RTEL1: variants seen among roughly 807,000 people sequenced by gnomAD.
The protein encoded by RTEL1 is regulator of telomere elongation helicase 1.
In RTEL1, 86 loss-of-function variants were observed where a neutral mutation model predicts 162.2. That is an observed-to-expected ratio of 0.53 (90% CI 0.45 to 0.63). The LOEUF (loss-of-function observed/expected upper bound fraction) is 0.63, where lower values mean the gene tolerates loss of function less well. RTEL1 is among the 30% of genes least tolerant of loss of function. The pLI, the probability that RTEL1 is intolerant of heterozygous loss-of-function variation, is 0.00. For missense variants in RTEL1, 1,941 were observed against 1,750.2 expected, an observed-to-expected ratio of 1.11 and a Z score of -1.95; for synonymous variants, 958 against 717.9, an observed-to-expected ratio of 1.33 and a Z score of -5.35.
Position 63,659,189 on chromosome 20 carries a change from C to T in RTEL1, c.-170-44C>T, listed in dbSNP as rs2089969291. 2.1e-5 allele frequency: 12 copies of T among 567,510 alleles called. 1 individual carries two copies. In the South Asian group the frequency reaches 2.4e-4, roughly 11 times the overall value. The allele number at this position is 567,510 out of a possible 1,614,324, so 35.2% of individuals were successfully genotyped here. A position where few individuals can be genotyped will look rare whatever the true frequency, so the allele number is the denominator to read the frequency against. On this transcript the variant is annotated intron_variant, in intron 1 of 34. Transcript: ENST00000360203. ...AAACGCCTGGGAAAGTAGCCCGGTACCCACAAAGGCTGTCTACAAACAGAG... is the reference window on the plus strand; with the variant it reads ...AAACGCCTGGGAAAGTAGCCCGGTATCCACAAAGGCTGTCTACAAACAGAG...
At chr20:63,682,142 TC>T (rs2090488537) in intron 14 of RTEL1, 1 of 985,248 alleles carries the variant, frequency 1.0e-6, no homozygotes, top group African/African-American at 1.7e-5. Flanking sequence ...TGGAGAAGTC[TC>T]CTCCACACTA....
chr20:63,667,215 G>A (rs999109729), intron 7 of RTEL1, among the ~76,000 whole-genome samples: 2 of 152,092 alleles, frequency 1.3e-5, no homozygotes, highest in Non-Finnish European at 2.9e-5. Flanking sequence ...CTTTTCCATC[G>A]AGTTTTTAAA....
chr20:63,694,001 C>CTG (rs1029987911), intron 30 of RTEL1, among the ~76,000 whole-genome samples: 1 of 151,794 alleles, frequency 6.6e-6, no homozygotes, highest in Non-Finnish European at 1.5e-5. Flanking sequence ...GCGGAAGCAT[C>CTG]TGTGTTCGTG....
chr20:63,691,929 G>T, intron 28 of RTEL1, 92 bp downstream of exon 28: 1 of 973,604 alleles, frequency 1.0e-6, no homozygotes, highest in Non-Finnish European at 1.6e-6. Context: ...GGTCCCGATG[G>T]GACCAGGGAA....
At chr20:63,682,308 T>G (rs2090493018) in intron 14 of RTEL1, 1 of 985,320 alleles carries the variant, frequency 1.0e-6, no homozygotes, top group Admixed American at 6.1e-5. Context: ...TGGAGAAGAC[T>G]CCACACTCTG....
chr20:63,665,972 G>A (rs1448719910), intron 6 of RTEL1, 32 bp from the exon 7 acceptor site: 1 of 1,605,994 alleles, frequency 6.2e-7, no homozygotes, highest in Non-Finnish European at 8.5e-7. Context: ...GGACCCTGAG[G>A]GTGTGTGTTT....
rs576718094 is a variant in RTEL1, at chr20:63,661,972, G to A, written c.395+29G>A. ...GGTCAGACGAGTTTACACCTGTCTC[G>A]GGGTCCTCAAGAGAACCAGCTTGGC... On this transcript the variant is annotated intron_variant, in intron 4 of 34. Transcript: ENST00000360203. The surrounding 1 kb of genome is among the most constrained non-coding windows in gnomAD (Gnocchi z 5.1). The A allele has an allele frequency of 2.0e-5, 31 of 1,553,418 alleles. No individual in the cohort carries two copies. In the South Asian group the frequency reaches 2.3e-4, roughly 12 times the overall value.
chr20:63,678,124 T>C, intron 10 of RTEL1, 21 bp from the exon 11 acceptor site: 1 of 1,614,206 alleles, frequency 6.2e-7, no homozygotes, highest in Non-Finnish European at 8.5e-7. Context: ...AGACTGCCTT[T>C]GCTGCCTTTC....
chr20:63,684,604 A>C (rs1012857359), intron 14 of RTEL1, among the ~76,000 whole-genome samples: 2 of 151,818 alleles, frequency 1.3e-5, no homozygotes, highest in Non-Finnish European at 2.9e-5. Flanking sequence ...CCGCCTCCCA[A>C]AGTGCTGGGA....
intron 9 of RTEL1, among the ~76,000 whole-genome samples, chr20:63,673,078 C>A (rs2090278387): frequency 6.7e-6 from 1 of 150,138 alleles, no homozygotes; most frequent in Non-Finnish European, 1.5e-5. Context: ...GCCTGGGTGA[C>A]AAAGCGGGAT....
At chr20:63,693,750 A>G (rs1445057528) in intron 30 of RTEL1, among the ~76,000 whole-genome samples, 1 of 77,926 alleles carries the variant, frequency 1.3e-5, no homozygotes, top group African/African-American at 5.3e-5. Context: ...CACCACCACC[A>G]CCACCTCCAC....
intron 14 of RTEL1, among the ~76,000 whole-genome samples, chr20:63,685,274 T>A (rs1319365244): frequency 1.3e-5 from 2 of 152,092 alleles, no homozygotes; most frequent in Non-Finnish European, 2.9e-5. Context: ...CCCCTCGGGC[T>A]GCCGCATTTT....
chr20:63,670,725 T>G (rs1328764690), intron 8 of RTEL1, among the ~76,000 whole-genome samples: 3 of 151,606 alleles, frequency 2.0e-5, no homozygotes, highest in Non-Finnish European at 4.4e-5. Context: ...GGCTCACGCC[T>G]GTAATCCCAG....
At position 63,678,136 on chromosome 20, in the gene RTEL1, C is replaced by G. The variant is rs910613998; in HGVS notation, c.920-9C>G. 2.5e-6 allele frequency: 4 copies of G among 1,614,206 alleles called. No homozygotes were observed. Among genetic ancestry groups the G allele is most frequent in the Non-Finnish European group, 3.4e-6 (4 of 1,180,042 alleles). ...TGCAGACTGCCTTTGCTGCCTTTCT[C>G]TTGCCCAGGGCTGAACATGGAGCTG... On this transcript the variant is annotated splice_polypyrimidine_tract_variant and intron_variant, in intron 10 of 34. Coordinates refer to ENST00000360203, the MANE Select transcript of RTEL1 (RefSeq NM_001283009.2).
In RTEL1 at chr20:63,659,242, A is replaced by G; in HGVS notation, c.-161A>G. 5 of 645,538 alleles carry G rather than the reference A, an allele frequency of 7.7e-6. No individual in the cohort carries two copies. The highest frequency in any genetic ancestry group is 1.7e-5 in the South Asian group (1 of 57,822). 40.0% of individuals were successfully genotyped at this position (645,538 alleles called of 1,614,324 possible). On this transcript the variant is annotated 5_prime_UTR_variant, in exon 2 of 35. Transcript: ENST00000360203. The stretch of plus-strand genomic sequence containing the variant: ...TTACTGTCTTTCCCAGGTCTGTGCC[A>G]TAGGGATTCTCGAAGAGAACAGCGT...
intron 5 of RTEL1, 28 bp from the exon 6 acceptor site, chr20:63,662,801 G>A: frequency 6.2e-7 from 1 of 1,613,430 alleles, no homozygotes; most frequent in East Asian, 2.2e-5. Context: ...CCGTGCTTCA[G>A]CTGCGCACTC....
Position 63,681,863 on chromosome 20 carries a change from G to A in RTEL1, c.1191+1144G>A, listed in dbSNP as rs572493208. 5.1e-5 allele frequency: 50 copies of A among 985,404 alleles called. No homozygotes were observed. In the East Asian group the frequency reaches 1.8e-3, roughly 36 times the overall value. 61.0% of individuals were successfully genotyped at this position (985,404 alleles called of 1,614,324 possible). A position where few individuals can be genotyped will look rare whatever the true frequency, so the allele number is the denominator to read the frequency against. On this transcript the variant is annotated intron_variant, in intron 14 of 34. Transcript: ENST00000360203. ...CCTCCCAACTCCTCCCCAAAGGCAC[G>A]GTGGGCATCCCAGGCCCAGACCCCT... is the stretch of plus-strand genomic sequence containing the variant.
chr20:63,690,501 G>T, intron 26 of RTEL1, 60 bp downstream of exon 26: 3 of 1,412,666 alleles, frequency 2.1e-6, no homozygotes, highest in East Asian at 2.4e-5. Flanking sequence ...GGCGTGGGGC[G>T]GGCAGCACCA....
At position 63,691,906 on chromosome 20, in the gene RTEL1, C is replaced by T; in HGVS notation, c.2652+69C>T. ...GCATGGGAACGCAGCCGTGGGTGCC[C>T]CCAGCCACGGCTGGTCCCGATGGGA... On this transcript the variant is annotated intron_variant, in intron 28 of 34. Transcript: ENST00000360203. The T allele has an allele frequency of 5.4e-6, 7 of 1,292,172 alleles. No homozygotes were observed. In the East Asian group the frequency reaches 7.0e-5, roughly 13 times the overall value. The allele number at this position is 1,292,172 out of a possible 1,614,324, so 80.0% of individuals were successfully genotyped here.
Sources: gnomAD v4.1 joint callset for allele counts (sites outside exome capture counted in the v4.1 genomes callset) on GRCh38, gnomAD v4.1.1 for gene constraint, Gnocchi (gnomAD v3.1) non-coding constraint, MANE v1.5 for transcripts, NCBI Gene and HGNC (gene_info 2026-07-23, HGNC 2026-07-21) for gene names.